Variants in IL1RAP observed in about 807,000 individuals in gnomAD.
IL1RAP encodes the protein interleukin 1 receptor accessory protein, also known as interleukin-1 receptor accessory protein.
Under a neutral mutation model 60.7 loss-of-function variants are expected in IL1RAP, and 35 were observed. The observed-to-expected ratio is 0.58, with a 90% confidence interval of 0.44 to 0.76. The LOEUF (loss-of-function observed/expected upper bound fraction) is 0.76. IL1RAP is among the 30% of genes least tolerant of loss of function. The probability of loss-of-function intolerance (pLI) is 0.00; values close to 1 mark genes in which losing one functional copy is unlikely to be tolerated. For synonymous variants in IL1RAP, 268 were observed against 250.9 expected, an observed-to-expected ratio of 1.07 and a Z score of -0.64; for missense variants, 572 against 693.9, an observed-to-expected ratio of 0.82 and a Z score of 1.97.
At chr3:190,623,630 C>T (rs1731971555) in intron 7 of IL1RAP, among the ~76,000 whole-genome samples, 1 of 152,150 alleles carries the variant, frequency 6.6e-6, no homozygotes, top group Non-Finnish European at 1.5e-5. Flanking sequence ...GGTATCTGCT[C>T]CCTTCTCCCT....
At chr3:190,644,434 G>A in intron 10 of IL1RAP, 37 bp downstream of exon 10, 2 of 1,443,138 alleles carry the variant, frequency 1.4e-6, no homozygotes, top group Non-Finnish European at 1.9e-6. Context: ...CTCTTCTACT[G>A]TCATCTTTAG....
chr3:190,654,205 C>CACACACACA (rs1734528513), downstream of IL1RAP, among the ~76,000 whole-genome samples: 1 of 150,750 alleles, frequency 6.6e-6, no homozygotes, highest in Non-Finnish European at 1.5e-5. Flanking sequence ...CACACACACA[C>CACACACACA]ACACACACAC....
intron 3 of IL1RAP, among the ~76,000 whole-genome samples, chr3:190,578,717 G>A (rs912958459): frequency 6.6e-6 from 1 of 152,196 alleles, no homozygotes; most frequent in African/African-American, 2.4e-5. Flanking sequence ...AAGCAAGAGA[G>A]GTTTAATGAA....
At chr3:190,547,868 C>T (rs1376616671) in intron 1 of IL1RAP, among the ~76,000 whole-genome samples, 3 of 152,138 alleles carry the variant, frequency 2.0e-5, no homozygotes, top group East Asian at 3.9e-4. Context: ...GGAGAGGGCT[C>T]GTCCTGCCCA....
intron 5 of IL1RAP, among the ~76,000 whole-genome samples, chr3:190,618,031 TC>T (rs1489565332): frequency 6.6e-6 from 1 of 152,230 alleles, no homozygotes; most frequent in African/African-American, 2.4e-5. Flanking sequence ...AAAGTGTGCT[TC>T]CTCAGTTTAC....
At chr3:190,590,245 A>G (rs1728827001) in intron 3 of IL1RAP, among the ~76,000 whole-genome samples, 1 of 151,004 alleles carries the variant, frequency 6.6e-6, no homozygotes, top group Non-Finnish European at 1.5e-5. Context: ...TGTGGACAGG[A>G]TTCTTCTTCT....
chr3:190,543,364 C>A (rs151180754), intron 1 of IL1RAP, among the ~76,000 whole-genome samples: 3 of 152,068 alleles, frequency 2.0e-5, no homozygotes, highest in African/African-American at 7.2e-5. Flanking sequence ...TAATCCAGAG[C>A]GTTTTCTATA....
At chr3:190,553,620 G>C (rs896295279) in intron 1 of IL1RAP, among the ~76,000 whole-genome samples, 20 of 152,102 alleles carry the variant, frequency 1.3e-4, no homozygotes, top group Non-Finnish European at 2.2e-4. Context: ...GGGAGCTGCC[G>C]TTTGCCCGTC....
chr3:190,655,546 T>C (rs1420769160), downstream of IL1RAP, among the ~76,000 whole-genome samples: 1 of 149,062 alleles, frequency 6.7e-6, no homozygotes, highest in African/African-American at 2.5e-5. Flanking sequence ...GGGTAGTTAC[T>C]CAATTGCCCA....
chr3:190,517,279 C>T (rs1363388575), intron 1 of IL1RAP, among the ~76,000 whole-genome samples: 2 of 152,210 alleles, frequency 1.3e-5, no homozygotes, highest in African/African-American at 4.8e-5. Context: ...TCACTCTTTT[C>T]TTCCTGTTGT....
chr3:190,589,635 A>C (rs1201381056), intron 3 of IL1RAP, among the ~76,000 whole-genome samples: 1 of 152,110 alleles, frequency 6.6e-6, no homozygotes, highest in Non-Finnish European at 1.5e-5. Context: ...TGCTAGATGC[A>C]CTTTCCTTTG....
At chr3:190,631,896 G>A (rs773724287) in intron 9 of IL1RAP, among the ~76,000 whole-genome samples, 42 of 151,898 alleles carry the variant, frequency 2.8e-4, no homozygotes, top group Admixed American at 7.2e-4. Flanking sequence ...TGCCTCCTGG[G>A]TTCAAGTGAT....
intron 9 of IL1RAP, among the ~76,000 whole-genome samples, chr3:190,633,526 T>G (rs1732964785): frequency 6.6e-6 from 1 of 151,956 alleles, no homozygotes; most frequent in Admixed American, 6.6e-5. Context: ...CCGGCTAATT[T>G]TTATAGTTTT....
intron 1 of IL1RAP, among the ~76,000 whole-genome samples, chr3:190,526,990 G>T (rs965610684): frequency 6.6e-6 from 1 of 152,206 alleles, no homozygotes; most frequent in Admixed American, 6.5e-5. Context: ...AAAAGGTGCT[G>T]TGTGACCACG....
rs763037026 is a variant in IL1RAP at position 190,644,429 on chromosome 3, C to T, written c.1201+32C>T. On this transcript the variant is annotated intron_variant, in intron 10 of 11. Coordinates refer to ENST00000447382, the MANE Select transcript of IL1RAP (RefSeq NM_002182.4). The stretch of plus-strand genomic sequence containing the variant: ...AACAGAAATTTGACATAAACCTCTT[C>T]TACTGTCATCTTTAGAACATATGTT... 6 of 1,492,422 alleles carry T rather than the reference C, an allele frequency of 4.0e-6. No homozygotes were observed. The African/African-American group carries it at 4.1e-5, about 10-fold the overall frequency. The allele number at this position is 1,492,422 out of a possible 1,614,324, so 92.4% of individuals were successfully genotyped here.
At chr3:190,523,970 T>C (rs1221724215) in intron 1 of IL1RAP, among the ~76,000 whole-genome samples, 4 of 152,208 alleles carry the variant, frequency 2.6e-5, no homozygotes, top group African/African-American at 9.7e-5. Flanking sequence ...TTGAACTGAT[T>C]TGTACTCCCA....
chr3:190,559,757 A>G (rs886715239), intron 2 of IL1RAP, among the ~76,000 whole-genome samples: 18 of 152,084 alleles, frequency 1.2e-4, no homozygotes, highest in African/African-American at 4.1e-4. Flanking sequence ...AATTCTTTTA[A>G]ATTTGTTAAA....
chr3:190,589,142 T>A (rs1728727230), intron 3 of IL1RAP, among the ~76,000 whole-genome samples: 1 of 152,124 alleles, frequency 6.6e-6, no homozygotes. Flanking sequence ...CACGGTGGAT[T>A]ATAGGGGACT....
At chr3:190,587,924 A>T (rs932087381) in intron 3 of IL1RAP, among the ~76,000 whole-genome samples, 1 of 152,192 alleles carries the variant, frequency 6.6e-6, no homozygotes, top group Non-Finnish European at 1.5e-5. Flanking sequence ...TATATCTGGG[A>T]TCAAAGGATA....
Sources: gnomAD v4.1 joint callset for allele counts (sites outside exome capture counted in the v4.1 genomes callset) on GRCh38, gnomAD v4.1.1 for gene constraint, MANE v1.5 for transcripts, NCBI Gene and HGNC (gene_info 2026-07-23, HGNC 2026-07-21) for gene names.